ARHGAP44: variants seen among roughly 807,000 people sequenced by gnomAD.
ARHGAP44 encodes rho GTPase-activating protein 44.
ARHGAP44 carries 43 observed loss-of-function variants against 106.8 expected under a neutral mutation model. The ratio of observed to expected loss-of-function variants is 0.40; its 90% CI spans 0.32 to 0.52. The LOEUF (loss-of-function observed/expected upper bound fraction) is 0.52, where lower values mean the gene tolerates loss of function less well. ARHGAP44 is among the 20% of genes least tolerant of loss of function. ARHGAP44 has a pLI of 0.48. For missense variants in ARHGAP44, 866 were observed against 1,050.5 expected (o/e 0.82, Z 2.43); for synonymous variants, 439 against 410.3 (o/e 1.07, Z -0.85).
chr17:12,955,759 C>A, intron 13 of ARHGAP44, 108 bp from the exon 14 acceptor site: 1 of 664,326 alleles, frequency 1.5e-6, no homozygotes, highest in Non-Finnish European at 2.7e-6. Context: ...GTGCACGAGT[C>A]TCCTAGTCAG....
chr17:12,842,707 A>T (rs2035452803), intron 1 of ARHGAP44, among the ~76,000 whole-genome samples: 1 of 152,200 alleles, frequency 6.6e-6, no homozygotes. Flanking sequence ...ATGTTGACTA[A>T]ACCCCGACTG....
rs1330911714 is a variant in ARHGAP44, at chr17:12,991,109, G to A, written c.*938G>A. 1.3e-5 allele frequency: 2 copies of A among 152,578 alleles called. No individual in the cohort carries two copies. Among genetic ancestry groups the A allele is most frequent in the Non-Finnish European group, 2.9e-5 (2 of 68,040 alleles). 9.5% of individuals were successfully genotyped at this position (152,578 alleles called of 1,614,324 possible). A position where few individuals can be genotyped will look rare whatever the true frequency, so the allele number is the denominator to read the frequency against. Reference sequence around the variant, plus strand: ...CACGGAGACGCTGGCCCACGGGCTCGGCCTGCGGTGTGGCCTGCTTTGCTC... The same window carrying A: ...CACGGAGACGCTGGCCCACGGGCTCAGCCTGCGGTGTGGCCTGCTTTGCTC... On this transcript the variant is annotated 3_prime_UTR_variant, in exon 21 of 21. Coordinates refer to ENST00000379672, the MANE Select transcript of ARHGAP44 (RefSeq NM_014859.6).
Position 12,808,619 on chromosome 17 carries a change from G to A in ARHGAP44, c.53+18728G>A, listed in dbSNP as rs77273249. 3.3e-3 allele frequency among the ~76,000 whole-genome samples: 497 copies of A among 152,300 alleles called. 16 individuals are homozygous for A. In the East Asian group the frequency reaches 0.062, roughly 19 times the overall value. On this transcript the variant is annotated intron_variant, in intron 1 of 20. Transcript: ENST00000379672. Reference sequence around the variant, plus strand: ...GCAGGGAACCAAGTCCTGAGACTGCGCAAAGGAGTACGAACCTGAGTCTGC... The same window carrying A: ...GCAGGGAACCAAGTCCTGAGACTGCACAAAGGAGTACGAACCTGAGTCTGC...
chr17:12,806,052 G>A (rs1461039887), intron 1 of ARHGAP44, among the ~76,000 whole-genome samples: 1 of 152,190 alleles, frequency 6.6e-6, no homozygotes, highest in Non-Finnish European at 1.5e-5. Context: ...AGCAGAGGGG[G>A]TATAAGTCCT....
chr17:12,793,545 T>C (rs1485603957), intron 1 of ARHGAP44, among the ~76,000 whole-genome samples: 1 of 152,102 alleles, frequency 6.6e-6, no homozygotes, highest in Non-Finnish European at 1.5e-5. Flanking sequence ...CCGTCTCTAC[T>C]AAAAATACAA....
At chr17:12,838,182 C>G (rs1355235950) in intron 1 of ARHGAP44, among the ~76,000 whole-genome samples, 1 of 152,136 alleles carries the variant, frequency 6.6e-6, no homozygotes, top group African/African-American at 2.4e-5. Flanking sequence ...CTATCCTTGT[C>G]ACTAAAAATG....
chr17:12,812,643 G>A (rs886797103), intron 1 of ARHGAP44, among the ~76,000 whole-genome samples: 1 of 152,146 alleles, frequency 6.6e-6, no homozygotes, highest in South Asian at 2.1e-4. Flanking sequence ...TCTGTAAAGA[G>A]AAATAATTTC....
intron 1 of ARHGAP44, among the ~76,000 whole-genome samples, chr17:12,852,443 C>A (rs2035779496): frequency 6.7e-6 from 1 of 150,000 alleles, no homozygotes; most frequent in Non-Finnish European, 1.5e-5. Flanking sequence ...TTTTGAAGAA[C>A]CTCTATTAGT....
In ARHGAP44 at chr17:12,842,771, T is replaced by G. The variant is rs2035454046; in HGVS notation, c.54-52169T>G. 2.6e-5 allele frequency among the ~76,000 whole-genome samples: 4 copies of G among 152,182 alleles called. No homozygotes were observed. The South Asian group carries it at 8.3e-4, about 32-fold the overall frequency. On this transcript the variant is annotated intron_variant, in intron 1 of 20. Transcript: ENST00000379672. The stretch of plus-strand genomic sequence containing the variant: ...AACCCTTAGAACAGGTTTAGAAAAA[T>G]AATTGTCCCAAGAGTAGCAGGAAGT...
intron 3 of ARHGAP44, among the ~76,000 whole-genome samples, chr17:12,897,371 A>G (rs2037240278): frequency 6.6e-6 from 1 of 151,762 alleles, no homozygotes; most frequent in Admixed American, 6.6e-5. Context: ...AATGTGCCAC[A>G]ATACTTCTTC....
intron 20 of ARHGAP44, chr17:12,987,846 G>C (rs375792421): frequency 6.6e-6 from 1 of 152,176 alleles, no homozygotes. Context: ...ATTTATATCA[G>C]TATCTATTTG....
At position 12,949,088 on chromosome 17, in the gene ARHGAP44, T is replaced by G. The variant is rs779239999; in HGVS notation, c.862-52T>G. ...CAGGCAGTTGCGGGGTCTCTGCGCT[T>G]TGATGTTGTACCTTGGAGTTGCTGT... On this transcript the variant is annotated intron_variant, in intron 10 of 20. Transcript: ENST00000379672. The surrounding 1 kb of genome is among the most constrained non-coding windows in gnomAD (Gnocchi z 4.1). 2.6e-6 allele frequency: 4 copies of G among 1,509,882 alleles called. No homozygotes were observed. The highest frequency in any genetic ancestry group is 3.6e-6 in the Non-Finnish European group (4 of 1,112,252). 93.5% of individuals were successfully genotyped at this position (1,509,882 alleles called of 1,614,324 possible). A position where few individuals can be genotyped will look rare whatever the true frequency, so the allele number is the denominator to read the frequency against.
chr17:12,848,288 AT>A (rs560221381), intron 1 of ARHGAP44, among the ~76,000 whole-genome samples: 1 of 151,904 alleles, frequency 6.6e-6, no homozygotes, highest in Non-Finnish European at 1.5e-5. Context: ...TAGAAGTGCC[AT>A]TTTTTTTCCC....
At chr17:12,873,897 C>G (rs1399772273) in intron 1 of ARHGAP44, among the ~76,000 whole-genome samples, 1 of 151,086 alleles carries the variant, frequency 6.6e-6, no homozygotes, top group Non-Finnish European at 1.5e-5. Flanking sequence ...GAGCAAAACT[C>G]AGTCTCAAAA....
intron 1 of ARHGAP44, among the ~76,000 whole-genome samples, chr17:12,857,025 G>T (rs139814388): frequency 6.6e-6 from 1 of 152,016 alleles, no homozygotes; most frequent in East Asian, 1.9e-4. Flanking sequence ...CCCACCTCTT[G>T]CCACATTTTA....
At chr17:12,907,501 A>G (rs569124609) in intron 3 of ARHGAP44, among the ~76,000 whole-genome samples, 1 of 152,282 alleles carries the variant, frequency 6.6e-6, no homozygotes, top group Admixed American at 6.5e-5. Flanking sequence ...CAGCCCTGTG[A>G]CAAGCACTAA....
At chr17:12,923,204 G>A (rs753269784) in intron 6 of ARHGAP44, among the ~76,000 whole-genome samples, 12 of 152,000 alleles carry the variant, frequency 7.9e-5, no homozygotes, top group African/African-American at 2.7e-4. Flanking sequence ...TGCTTTGGGG[G>A]ATTGTTTGTT....
At chr17:12,967,724 T>C (rs2039427948) in intron 16 of ARHGAP44, among the ~76,000 whole-genome samples, 1 of 152,218 alleles carries the variant, frequency 6.6e-6, no homozygotes, top group Admixed American at 6.5e-5. Flanking sequence ...TCTTGAACCC[T>C]GAGCCGTCGT....
At chr17:12,860,852 TATTC>T (rs369425870) in intron 1 of ARHGAP44, among the ~76,000 whole-genome samples, 28 of 82,930 alleles carry the variant, frequency 3.4e-4, no homozygotes, top group African/African-American at 1.3e-3. Context: ...GGTTTTTTTC[TATTC>T]TTTTTTTTTT....
Sources: allele counts gnomAD v4.1 joint callset (sites outside exome capture counted in the v4.1 genomes callset), GRCh38; gene constraint gnomAD v4.1.1; non-coding constraint Gnocchi (gnomAD v3.1); transcripts MANE v1.5; gene names NCBI Gene and HGNC (gene_info 2026-07-23, HGNC 2026-07-21).